COL12A1: variants seen among roughly 807,000 people sequenced by gnomAD.
The protein encoded by COL12A1 is collagen alpha-1(XII) chain.
In COL12A1, 114 loss-of-function variants were observed where a neutral mutation model predicts 349.7. The observed-to-expected ratio is 0.33, with a 90% CI of 0.28 to 0.38. COL12A1 has a LOEUF of 0.38. COL12A1 is among the 10% of genes least tolerant of loss of function. The probability of loss-of-function intolerance (pLI) is 1.00; values close to 1 mark genes in which losing one functional copy is unlikely to be tolerated. For missense variants in COL12A1, 3,284 were observed against 3,756.9 expected (o/e 0.87, Z 3.29); for synonymous variants, 1,369 against 1,329.0 (o/e 1.03, Z -0.66).
intron 13 of COL12A1, 77 bp from the exon 14 acceptor site, chr6:75,165,856 T>C (rs926997661): frequency 2.8e-6 from 4 of 1,408,100 alleles, no homozygotes; most frequent in African/African-American, 1.5e-5. Flanking sequence ...TTGATCCTGG[T>C]AGAGATTCTG....
At chr6:75,112,736 T>C (rs1473377687) in intron 51 of COL12A1, among the ~76,000 whole-genome samples, 1 of 151,714 alleles carries the variant, frequency 6.6e-6, no homozygotes, top group African/African-American at 2.4e-5. Context: ...AAAATAATTA[T>C]TCTGCATTTC....
chr6:75,137,760 T>C (rs1010350339), intron 30 of COL12A1, among the ~76,000 whole-genome samples, 181 bp from the exon 31 acceptor site: 2 of 152,182 alleles, frequency 1.3e-5, no homozygotes, highest in Non-Finnish European at 2.9e-5. Context: ...TTCATTTTGC[T>C]TCTGTCCCTG....
chr6:75,141,801 A>G (rs1766904455), intron 27 of COL12A1, among the ~76,000 whole-genome samples: 1 of 152,198 alleles, frequency 6.6e-6, no homozygotes, highest in Admixed American at 6.5e-5. Flanking sequence ...TTGTAGTTGG[A>G]AGATAAATTA....
At position 75,119,452 on chromosome 6, in the gene COL12A1, C is replaced by T. The variant is rs764573448; in HGVS notation, c.7108G>A (p.Asp2370Asn). 1.9e-6 allele frequency: 3 copies of T among 1,612,794 alleles called. No homozygotes were observed. Among genetic ancestry groups the T allele is most frequent in the Non-Finnish European group, 2.5e-6 (3 of 1,179,516 alleles). Residue 2370 changes from aspartate to asparagine, a missense_variant, in exon 45 of 66, where the codon GAT (aspartate) becomes AAT (asparagine). Transcript: ENST00000322507. ...GIQVSFVQYS[D>N]EVKSEFKLNT... ...AGCTTGAACTCAGACTTGACCTCAT[C>T]GCTGTATTGCACAAATGAAACCTGA...
In COL12A1 at chr6:75,128,493, T is replaced by G. The variant is rs964370211; in HGVS notation, c.6211-68A>C. On this transcript the variant is annotated intron_variant, in intron 37 of 65. Coordinates refer to ENST00000322507, the MANE Select transcript of COL12A1 (RefSeq NM_004370.6). ...ACTTCCAGATCAAAAGACAGTATTGTTTTATGTATTCCCATAAACAGTAAT... is the reference window on the plus strand; with the variant it reads ...ACTTCCAGATCAAAAGACAGTATTGGTTTATGTATTCCCATAAACAGTAAT... The G allele has an allele frequency of 6.0e-6, 8 of 1,332,574 alleles. No individual in the cohort carries two copies. The African/African-American group carries it at 1.2e-4, about 20-fold the overall frequency. 82.5% of individuals were successfully genotyped at this position (1,332,574 alleles called of 1,614,324 possible).
chr6:75,153,148 A>G (rs1562236107), intron 17 of COL12A1, among the ~76,000 whole-genome samples: 1 of 152,274 alleles, frequency 6.6e-6, no homozygotes, highest in East Asian at 1.9e-4. Context: ...ATTTAAATTT[A>G]TGATCTACTG....
intron 14 of COL12A1, among the ~76,000 whole-genome samples, chr6:75,163,907 G>A (rs1024183167): frequency 1.3e-5 from 2 of 152,012 alleles, no homozygotes; most frequent in Non-Finnish European, 2.9e-5. Flanking sequence ...ATAATTTCTG[G>A]AGGAAAAAAA....
At position 75,121,436 on chromosome 6, in the gene COL12A1, T is replaced by G. The variant is rs1375433772; in HGVS notation, c.6952A>C (p.Lys2318Gln). 1.3e-6 allele frequency: 2 copies of G among 1,552,778 alleles called. No homozygotes were observed. The highest frequency in any genetic ancestry group is 8.7e-7 in the Non-Finnish European group (1 of 1,142,958). ...AACACAATATCTGCCTTGGCCCCTTTGCATACTGCAAAAAAAGAAAGCAGA... is the reference window on the plus strand; with the variant it reads ...AACACAATATCTGCCTTGGCCCCTTGGCATACTGCAAAAAAAGAAAGCAGA... ...PTIPPARDVC[K>Q]GAKADIVFLT... Residue 2318 changes from lysine (K) to glutamine (Q), a missense_variant, in exon 44 of 66, where the codon AAA becomes CAA. Lys to Gln is a moderately conservative substitution (Grantham distance 53, BLOSUM62 1). Coordinates refer to ENST00000322507, the MANE Select transcript of COL12A1 (RefSeq NM_004370.6).
intron 54 of COL12A1, 58 bp downstream of exon 54, chr6:75,105,148 G>A: frequency 6.9e-7 from 1 of 1,440,404 alleles, no homozygotes; most frequent in Non-Finnish European, 9.6e-7. Context: ...TTGGCAAATA[G>A]ATAATCACTC....
intron 10 of COL12A1, 70 bp downstream of exon 10, chr6:75,182,980 T>C: frequency 2.0e-6 from 3 of 1,504,238 alleles, no homozygotes; most frequent in Non-Finnish European, 2.7e-6. Flanking sequence ...ACAAGCATAT[T>C]ATCCACAATT....
intron 27 of COL12A1, among the ~76,000 whole-genome samples, chr6:75,141,676 C>CA (rs1766898258): frequency 6.6e-6 from 1 of 152,220 alleles, no homozygotes; most frequent in Non-Finnish European, 1.5e-5. Flanking sequence ...TAAAATACCC[C>CA]AAAAAATTAT....
At chr6:75,089,316 T>C (rs1378775186) in intron 63 of COL12A1, 142 bp from the exon 64 acceptor site, 2 of 640,070 alleles carry the variant, frequency 3.1e-6, no homozygotes, top group Non-Finnish European at 5.1e-6. Flanking sequence ...GTTCACTCTT[T>C]AAGCCAAGTT....
rs767743127 is a variant in COL12A1 at position 75,183,514 on chromosome 6, C to G, written c.1427G>C (p.Arg476Thr). ...LVKSFEISPN[R>T]VQISLVQYSR... Reference sequence around the variant, plus strand: ...GTATTGCACAAGACTAATCTGGACCCTATTTGGTGAAATTTCAAAACTTTT... The same window carrying G: ...GTATTGCACAAGACTAATCTGGACCGTATTTGGTGAAATTTCAAAACTTTT... Residue 476 changes from arginine to threonine, a missense_variant, in exon 10 of 66, where the codon AGG becomes ACG. Transcript: ENST00000322507. 2 of 1,614,110 alleles carry G rather than the reference C, an allele frequency of 1.2e-6. No individual in the cohort carries two copies.
At position 75,095,126 on chromosome 6, in the gene COL12A1, A is replaced by G; in HGVS notation, c.8631T>C (p.Pro2877=). 6.2e-7 allele frequency: 1 copy of G among 1,614,106 alleles called. No homozygotes were observed. The highest frequency in any genetic ancestry group is 8.5e-7 in the Non-Finnish European group (1 of 1,179,982). Residue 2877 remains proline (P), a synonymous_variant, in exon 60 of 66, where the codon CCT becomes CCC. Coordinates refer to ENST00000322507, the MANE Select transcript of COL12A1 (RefSeq NM_004370.6). ...VTGPSGKPGK[P]GDHGRPGPSG... The stretch of plus-strand genomic sequence containing the variant: ...CGCTTACTGGTCTGCCATGATCTCC[A>G]GGTTTTCCTGGCTTCCCACTTGGTC...
chr6:75,144,920 T>C (rs527870373), intron 25 of COL12A1, among the ~76,000 whole-genome samples: 96 of 152,352 alleles, frequency 6.3e-4, no homozygotes, highest in Middle Eastern at 3.4e-3. Context: ...TTAAACCCAA[T>C]GTCTTCCTCC....
rs373585140 is a variant in COL12A1 at position 75,115,804 on chromosome 6, C to T, written c.7677G>A (p.Ala2559=). The change falls in exon 49 of 66, where the codon GCG becomes GCA. Residue 2559 remains alanine (A), a synonymous_variant. Coordinates refer to ENST00000322507, the MANE Select transcript of COL12A1 (RefSeq NM_004370.6). ...CTTACGCTGTAGGCTGATTCACAAA[C>T]GCATTCTTCTGAATCCTGTATGCTG... The part of the protein sequence containing the change: ...SYSAYRIQKN[A]FVNQPTADLH... 14 of 1,611,904 alleles carry T rather than the reference C, an allele frequency of 8.7e-6. No homozygotes were observed. The African/African-American group carries it at 1.2e-4, about 14-fold the overall frequency.
At position 75,087,596 on chromosome 6, in the gene COL12A1, G is replaced by T; in HGVS notation, c.9162C>A (p.Tyr3054Ter). The change falls in exon 65 of 66, where the codon TAC becomes TAA. Residue 3054 changes from tyrosine (Y) to a stop codon, truncating the protein, a stop_gained. Transcript: ENST00000322507. LOFTEE classifies it high-confidence loss of function. ...ACGTACCTGGATAGCCTTGCCCGTT[G>T]TATGGGATGCTGGCACACTGAGAAG... ...CDSSQCASIP[Y>*]NGQGYPGSG 6.2e-7 allele frequency: 1 copy of T among 1,613,896 alleles called. No homozygotes were observed. Among genetic ancestry groups the T allele is most frequent in the South Asian group, 1.1e-5 (1 of 91,066 alleles).
In COL12A1 at chr6:75,148,382, T is replaced by C. The variant is rs746035228; in HGVS notation, c.4263A>G (p.Pro1421=). 16 of 1,612,798 alleles carry C rather than the reference T, an allele frequency of 9.9e-6. No homozygotes were observed. In the East Asian group the frequency reaches 3.3e-4, roughly 34 times the overall value. ...SVDRYKVEYY[P]VSGGKRQEFY... is the part of the protein sequence containing the mutation. ...CTTCTTGACGTTTCCCTCCAGAAAC[T>C]GGATAGTATTCCACCTTATATCGAT... Residue 1421 remains proline, a synonymous_variant, in exon 22 of 66, where the codon CCA becomes CCG. Transcript: ENST00000322507.
chr6:75,113,571 T>C (rs1768937819), intron 50 of COL12A1, 31 bp downstream of exon 50: 1 of 1,580,984 alleles, frequency 6.3e-7, no homozygotes, highest in Non-Finnish European at 8.6e-7. Context: ...CAAAACTAAG[T>C]ATGCATGTGC....
Sources: gnomAD v4.1 joint callset for allele counts (sites outside exome capture counted in the v4.1 genomes callset) on GRCh38, gnomAD v4.1.1 for gene constraint, MANE v1.5 for transcripts, NCBI Gene and HGNC (gene_info 2026-07-23, HGNC 2026-07-21) for gene names.